LCA5L: variants seen among roughly 807,000 people sequenced by gnomAD.
LCA5L encodes lebercilin-like protein.
A neutral mutation model predicts 45.4 loss-of-function variants in LCA5L; 35 were observed. That is an observed-to-expected ratio of 0.77 (90% CI 0.59 to 1.02). The LOEUF is 1.02. Among genes scored for constraint, LCA5L ranks in the 50% least tolerant of loss-of-function variants. The pLI, the probability that LCA5L is intolerant of heterozygous loss-of-function variation, is 0.00. For missense variants in LCA5L, 668 were observed against 761.6 expected (o/e 0.88, Z 1.45); for synonymous variants, 233 against 264.7 (o/e 0.88, Z 1.16).
chr21:39,444,456 A>G (rs2077210495), intron 1 of LCA5L, among the ~76,000 whole-genome samples: 1 of 152,228 alleles, frequency 6.6e-6, no homozygotes, highest in Admixed American at 6.5e-5. Context: ...ACATACTGAA[A>G]ATACTGCACT....
chr21:39,410,438 A>G (rs528038225), intron 8 of LCA5L, 71 bp from the exon 9 acceptor site: 350 of 807,498 alleles, frequency 4.3e-4, no homozygotes, highest in Non-Finnish European at 6.5e-4. Context: ...TTAAACATAA[A>G]ATAACTTTTA....
At position 39,427,014 on chromosome 21, in the gene LCA5L, G is replaced by A. The variant is rs563612252; in HGVS notation, c.322+1158C>T. On this transcript the variant is annotated intron_variant, in intron 5 of 10. Transcript: ENST00000288350. ...TGTGTCTTAGATAAAGAATCCCTGT[G>A]CTATAGCAGGGGAACTGAAGATTCT... Among the ~76,000 whole-genome samples the A allele has an allele frequency of 3.9e-5, 6 of 152,356 alleles. No homozygotes were observed. In the East Asian group the frequency reaches 1.2e-3, roughly 29 times the overall value.
rs34382636 is a variant in LCA5L at position 39,420,796 on chromosome 21, C to G, written c.885G>C (p.Gln295His). ...AAGTCTTCCGAGTCTCAATAGCCAG[C>G]TGCCGGCTAAAGGCTCTGCAGTTCA... ...LRLNCRAFSR[Q>H]LAIETRKTLA... Residue 295 changes from glutamine to histidine, a missense_variant, in exon 7 of 11, where the codon CAG becomes CAC. Transcript: ENST00000288350. 2.9e-4 allele frequency: 467 copies of G among 1,613,326 alleles called. 1 individual carries two copies. In the African/African-American group the frequency reaches 5.9e-3, roughly 20 times the overall value.
At chr21:39,415,444 A>G (rs1204167456) in intron 7 of LCA5L, among the ~76,000 whole-genome samples, 1 of 152,138 alleles carries the variant, frequency 6.6e-6, no homozygotes, top group Admixed American at 6.5e-5. Context: ...CTAATGAACA[A>G]CTCATGTGCT....
chr21:39,431,518 TTTTA>T (rs1465674135), intron 3 of LCA5L, among the ~76,000 whole-genome samples: 2 of 151,820 alleles, frequency 1.3e-5, no homozygotes, highest in Non-Finnish European at 2.9e-5. Context: ...CTGCTACCAA[TTTTA>T]TTTATTTTAT....
chr21:39,406,248 C>T lies in LCA5L; in HGVS notation c.1647G>A (p.Met549Ile), dbSNP rs768413225. The change falls in exon 11 of 11, where the codon ATG (methionine) becomes ATA (isoleucine). Residue 549 changes from methionine to isoleucine, a missense_variant. Met to Ile is a conservative substitution (Grantham distance 10). Coordinates refer to ENST00000288350, the MANE Select transcript of LCA5L (RefSeq NM_152505.4). ...ASGGPANAGNMRYSHSTGKHL... is the reference protein window; with the variant it reads ...ASGGPANAGNIRYSHSTGKHL... ...GCTTGCCTGTACTATGACTGTACCT[C>T]ATGTTGCCGGCATTGGCTGGCCCCC... The T allele has an allele frequency of 1.2e-6, 2 of 1,614,220 alleles. No homozygotes were observed. The highest frequency in any genetic ancestry group is 2.2e-5 in the South Asian group (2 of 91,088).
rs539367327 is a variant in LCA5L at position 39,416,542 on chromosome 21, C to T, written c.975+4164G>A. 5.9e-4 allele frequency among the ~76,000 whole-genome samples: 90 copies of T among 152,254 alleles called. 2 individuals are homozygous for T. In the South Asian group the frequency reaches 0.018, roughly 31 times the overall value. The stretch of plus-strand genomic sequence containing the variant: ...TTCAGTGGGATATGGAACTTACAGA[C>T]CATAATCTGGGTGCTGGAGGTGTTC... On this transcript the variant is annotated intron_variant, in intron 7 of 10. Transcript: ENST00000288350.
chr21:39,421,242 C>T (rs1265251790), intron 6 of LCA5L, among the ~76,000 whole-genome samples: 1 of 152,014 alleles, frequency 6.6e-6, no homozygotes, highest in African/African-American at 2.4e-5. Flanking sequence ...GCTGGGTTTA[C>T]AGGTGCACAC....
chr21:39,421,276 A>G (rs1392264335), intron 6 of LCA5L, among the ~76,000 whole-genome samples: 1 of 151,878 alleles, frequency 6.6e-6, no homozygotes, highest in Non-Finnish European at 1.5e-5. Flanking sequence ...TAATTTTTGT[A>G]TTTTTAGTAA....
intron 1 of LCA5L, 21 bp from the exon 2 acceptor site, chr21:39,444,222 A>C (rs1354419947): frequency 6.6e-6 from 1 of 152,160 alleles, no homozygotes; most frequent in Non-Finnish European, 1.5e-5. Flanking sequence ...AAAAAGGAAG[A>C]GCTTAAACTC....
chr21:39,410,492 AAT>A, intron 8 of LCA5L, 125 bp from the exon 9 acceptor site: 4 of 562,206 alleles, frequency 7.1e-6, no homozygotes, highest in Non-Finnish European at 6.1e-6. Context: ...CTAAATATTC[AAT>A]ATATATATAA....
chr21:39,432,982 A>C lies in LCA5L; in HGVS notation c.-92+2438T>G, dbSNP rs141409543. ...GCTATTACAAATAAAATTGCTGTGAATATTCTGGATATAAATCCTTTATCA... is the reference window on the plus strand; with the variant it reads ...GCTATTACAAATAAAATTGCTGTGACTATTCTGGATATAAATCCTTTATCA... On this transcript the variant is annotated intron_variant, in intron 3 of 10. Transcript: ENST00000288350. Among the ~76,000 whole-genome samples the C allele has an allele frequency of 5.6e-3, 852 of 152,344 alleles. 2 individuals carry two copies. Among genetic ancestry groups the C allele is most frequent in the Middle Eastern group, 0.014 (4 of 294 alleles).
intron 7 of LCA5L, among the ~76,000 whole-genome samples, chr21:39,415,646 C>G (rs2041000724): frequency 6.6e-6 from 1 of 152,178 alleles, no homozygotes; most frequent in South Asian, 2.1e-4. Flanking sequence ...TAACATTTTC[C>G]CCATTTTCTA....
chr21:39,420,598 A>T, intron 7 of LCA5L, 108 bp downstream of exon 7: 1 of 861,096 alleles, frequency 1.2e-6, no homozygotes, highest in Non-Finnish European at 1.8e-6. Flanking sequence ...GAGGAGCCTT[A>T]TATATGTATG....
chr21:39,409,961 T>G lies in LCA5L; in HGVS notation c.1282+18A>C. The G allele has an allele frequency of 7.6e-7, 1 of 1,315,500 alleles. No homozygotes were observed. The highest frequency in any genetic ancestry group is 1.1e-6 in the Non-Finnish European group (1 of 916,524). The allele number at this position is 1,315,500 out of a possible 1,614,324, so 81.5% of individuals were successfully genotyped here. ...TTAAAGAAATCAGATAAGATAGACT[T>G]TAAAGAGTTAAAATTACCTTCATAT... On this transcript the variant is annotated intron_variant, in intron 10 of 10. Transcript: ENST00000288350. This position sits in a 1 kb window ranked among gnomAD's most constrained non-coding sequence, Gnocchi z 4.2.
At chr21:39,442,596 G>GCCCA (rs1439606370) in intron 2 of LCA5L, among the ~76,000 whole-genome samples, 8 of 152,104 alleles carry the variant, frequency 5.3e-5, no homozygotes, top group African/African-American at 1.9e-4. Flanking sequence ...TGTGAAAGAT[G>GCCCA]CCCAGGAGAC....
intron 1 of LCA5L, among the ~76,000 whole-genome samples, 183 bp from the exon 2 acceptor site, chr21:39,444,384 C>T (rs941944951): frequency 3.9e-5 from 6 of 152,160 alleles, no homozygotes; most frequent in Admixed American, 3.9e-4. Context: ...ACATTTTTAG[C>T]TTGTTAGCAG....
chr21:39,417,646 TG>T (rs992345631), intron 7 of LCA5L, among the ~76,000 whole-genome samples: 5 of 152,222 alleles, frequency 3.3e-5, no homozygotes, highest in Admixed American at 1.3e-4. Context: ...TCCACATGGC[TG>T]GGGAGGCCTC....
At chr21:39,414,140 T>C (rs1601742701) in intron 7 of LCA5L, 1 of 152,240 alleles carries the variant, frequency 6.6e-6, no homozygotes, top group African/African-American at 2.4e-5. Flanking sequence ...GTTCATGCAA[T>C]GCTCGTGGAA....
Sources: gnomAD v4.1 joint callset for allele counts (sites outside exome capture counted in the v4.1 genomes callset) on GRCh38, gnomAD v4.1.1 for gene constraint, Gnocchi (gnomAD v3.1) non-coding constraint, MANE v1.5 for transcripts, NCBI Gene and HGNC (gene_info 2026-07-23, HGNC 2026-07-21) for gene names.